Variants in ABCC4 observed in about 807,000 individuals in gnomAD.
ABCC4 encodes ATP binding cassette subfamily C member 4 (PEL blood group).
Under a neutral mutation model 168.5 loss-of-function variants are expected in ABCC4, and 102 were observed. The ratio of observed to expected loss-of-function variants is 0.61; its 90% CI spans 0.52 to 0.71. ABCC4 has a LOEUF of 0.71. ABCC4 is among the 30% of genes least tolerant of loss of function. ABCC4 has a pLI of 0.00. For synonymous variants in ABCC4, 617 were observed against 590.7 expected, an observed-to-expected ratio of 1.04 and a Z score of -0.65; for missense variants, 1,402 against 1,605.8, an observed-to-expected ratio of 0.87 and a Z score of 2.17.
At chr13:95,039,452 C>T (rs563135312) in intron 29 of ABCC4, among the ~76,000 whole-genome samples, 3 of 152,246 alleles carry the variant, frequency 2.0e-5, no homozygotes, top group South Asian at 4.1e-4. Flanking sequence ...ATCTTCATAT[C>T]TTCTGTAGCT....
Position 95,207,873 on chromosome 13 carries a change from T to A in ABCC4, c.838A>T (p.Ile280Leu), listed in dbSNP as rs1449700123. ...ATTTTTATTATCCTTATACCAGTTA[T>A]AACTTCATTCATGGTCCTGATCCTG... is the stretch of plus-strand genomic sequence containing the variant. ...DARIRTMNEVITGIRIIKMYA... is the reference protein window; with the variant it reads ...DARIRTMNEVLTGIRIIKMYA... The change falls in exon 7 of 31, where the codon ATA becomes TTA. Residue 280 changes from isoleucine (I) to leucine (L), a missense_variant. Ile to Leu is a conservative substitution (Grantham distance 5). Around this residue, in one of 3 missense-constraint regions of ABCC4, gnomAD observed 317 missense variants for 345.5 expected, o/e 0.92. Transcript: ENST00000645237. 6.2e-7 allele frequency: 1 copy of A among 1,613,896 alleles called. No individual in the cohort carries two copies. Among genetic ancestry groups the A allele is most frequent in the Non-Finnish European group, 8.5e-7 (1 of 1,179,972 alleles).
chr13:95,156,483 CTT>C (rs1281671788), intron 19 of ABCC4, among the ~76,000 whole-genome samples: 2 of 152,192 alleles, frequency 1.3e-5, no homozygotes, highest in Admixed American at 6.5e-5. Context: ...AAAATCATCT[CTT>C]AATTTCTGAA....
chr13:95,108,970 G>A (rs1411800012), intron 20 of ABCC4, among the ~76,000 whole-genome samples: 1 of 152,144 alleles, frequency 6.6e-6, no homozygotes, highest in Non-Finnish European at 1.5e-5. Context: ...CCAGTCATTA[G>A]CAAACACTTT....
chr13:95,093,458 T>C (rs2034499158), intron 20 of ABCC4, among the ~76,000 whole-genome samples: 1 of 152,108 alleles, frequency 6.6e-6, no homozygotes, highest in African/African-American at 2.4e-5. Flanking sequence ...ATCATCTCAA[T>C]AGATGCAGAA....
At chr13:95,232,570 G>A (rs9524854) in intron 4 of ABCC4, among the ~76,000 whole-genome samples, 23,088 of 151,008 alleles carry the variant, frequency 0.15, 2,353 homozygotes, top group Non-Finnish European at 0.23. Flanking sequence ...CCAGCTACTC[G>A]GCAGGCTGAG....
At chr13:95,036,087 T>A (rs552717945) in intron 29 of ABCC4, among the ~76,000 whole-genome samples, 35 of 152,304 alleles carry the variant, frequency 2.3e-4, no homozygotes, top group Admixed American at 6.5e-4. Flanking sequence ...GCATGCCAAT[T>A]TAGATACCCC....
At chr13:95,170,330 T>A in intron 14 of ABCC4, 1 of 447,868 alleles carries the variant, frequency 2.2e-6, no homozygotes, top group Non-Finnish European at 3.9e-6. Flanking sequence ...AACAATGTAG[T>A]AACCTTGAGG....
intron 20 of ABCC4, among the ~76,000 whole-genome samples, chr13:95,114,600 T>C (rs911761196): frequency 6.6e-6 from 1 of 152,190 alleles, no homozygotes; most frequent in African/African-American, 2.4e-5. Flanking sequence ...AGGTCCTTGT[T>C]TGCAGTAAAA....
At chr13:95,272,645 T>C (rs1362336047) in intron 1 of ABCC4, among the ~76,000 whole-genome samples, 1 of 152,030 alleles carries the variant, frequency 6.6e-6, no homozygotes, top group African/African-American at 2.4e-5. Context: ...CCCAGCACTT[T>C]GGGAGGCCAA....
At chr13:95,038,191 T>C (rs1049226148) in intron 29 of ABCC4, among the ~76,000 whole-genome samples, 12 of 152,104 alleles carry the variant, frequency 7.9e-5, no homozygotes, top group African/African-American at 2.9e-4. Context: ...TCAGGATTAA[T>C]AATGAGCAAG....
At chr13:95,253,919 G>T (rs929569301) in intron 1 of ABCC4, among the ~76,000 whole-genome samples, 5 of 151,894 alleles carry the variant, frequency 3.3e-5, no homozygotes, top group Admixed American at 1.3e-4. Flanking sequence ...TTGAGACAGG[G>T]TCTCACTCTC....
At chr13:95,128,521 A>T (rs1052673920) in intron 19 of ABCC4, among the ~76,000 whole-genome samples, 14 of 152,246 alleles carry the variant, frequency 9.2e-5, no homozygotes, top group African/African-American at 3.4e-4. Flanking sequence ...GGCTCTGAAC[A>T]TCATAGCTGT....
At chr13:95,030,444 C>T (rs1315491809) in intron 30 of ABCC4, among the ~76,000 whole-genome samples, 5 of 152,168 alleles carry the variant, frequency 3.3e-5, no homozygotes, top group Non-Finnish European at 7.3e-5. Flanking sequence ...TTGAATTTAC[C>T]CTGTGTTATG....
At chr13:95,192,119 C>T (rs574847068) in intron 9 of ABCC4, among the ~76,000 whole-genome samples, 4 of 152,246 alleles carry the variant, frequency 2.6e-5, no homozygotes, top group Non-Finnish European at 5.9e-5. Flanking sequence ...GGGCCACAGA[C>T]TTTACAGCTT....
intron 1 of ABCC4, among the ~76,000 whole-genome samples, chr13:95,294,137 T>G (rs946162987): frequency 2.2e-4 from 33 of 151,780 alleles, no homozygotes; most frequent in African/African-American, 8.0e-4. Flanking sequence ...AAGTCAGGAG[T>G]TGGAGACCAG....
rs556672522 is a variant in ABCC4, at chr13:95,253,953, C to T, written c.75-6200G>A. 4.5e-4 allele frequency among the ~76,000 whole-genome samples: 69 copies of T among 152,128 alleles called. 1 individual carries two copies. The highest frequency in any genetic ancestry group is 6.5e-4 in the Non-Finnish European group (44 of 67,996). ...TCTTACCCAGGCTGGAGTGCAGTGG[C>T]GCAATCATACCTCACTACAGCCTCA... On this transcript the variant is annotated intron_variant, in intron 1 of 30. Coordinates refer to ENST00000645237, the MANE Select transcript of ABCC4 (RefSeq NM_005845.5).
At chr13:95,164,054 A>AAAAAGAAAG (rs59935866) in intron 16 of ABCC4, among the ~76,000 whole-genome samples, 3 of 139,010 alleles carry the variant, frequency 2.2e-5, no homozygotes, top group Non-Finnish European at 3.0e-5. Context: ...AAAAAAAAAA[A>AAAAAGAAAG]AAAGAAAGAA....
intron 1 of ABCC4, among the ~76,000 whole-genome samples, chr13:95,270,599 G>C: frequency 6.6e-6 from 1 of 152,168 alleles, no homozygotes; most frequent in East Asian, 1.9e-4. Flanking sequence ...CGTCAACCAA[G>C]CACACAACAG....
intron 20 of ABCC4, among the ~76,000 whole-genome samples, chr13:95,091,594 G>A (rs1228841991): frequency 6.6e-6 from 1 of 152,066 alleles, no homozygotes; most frequent in Non-Finnish European, 1.5e-5. Flanking sequence ...ACAAACAAAT[G>A]CTAAGAGAAT....
Sources: gnomAD v4.1 joint callset for allele counts (sites outside exome capture counted in the v4.1 genomes callset) on GRCh38, gnomAD v4.1.1 for gene constraint, gnomAD v4.1.1 regional missense constraint, MANE v1.5 for transcripts, NCBI Gene and HGNC (gene_info 2026-07-23, HGNC 2026-07-21) for gene names.